NELL2: variants seen among roughly 807,000 people sequenced by gnomAD.
NELL2 encodes protein kinase C-binding protein NELL2.
In NELL2, 41 loss-of-function variants were observed where a neutral mutation model predicts 109.6. That is an observed-to-expected ratio of 0.37 (90% CI 0.29 to 0.49). The LOEUF (loss-of-function observed/expected upper bound fraction) is 0.49. Among genes scored for constraint, NELL2 ranks in the 20% least tolerant of loss-of-function variants. NELL2 has a pLI of 0.98. For missense variants in NELL2, 900 were observed against 1,008.3 expected (o/e 0.89, Z 1.45); for synonymous variants, 355 against 344.7 (o/e 1.03, Z -0.33).
rs1439190427 is a variant in NELL2 at position 44,903,118 on chromosome 12, A to C, written c.38+10681T>G. Among the ~76,000 whole-genome samples, 2 of 152,232 alleles carry C rather than the reference A, an allele frequency of 1.3e-5. 1 individual carries two copies. The highest frequency in any genetic ancestry group is 2.9e-5 in the Non-Finnish European group (2 of 68,034). On this transcript the variant is annotated intron_variant, in intron 1 of 20. Coordinates refer to the NELL2 transcript ENST00000333837. Reference sequence around the variant, plus strand: ...TCATCAGAGTGAACAGGCAATCTACAGAATGGGAGAAAATTTTTGCAATCT... The same window carrying C: ...TCATCAGAGTGAACAGGCAATCTACCGAATGGGAGAAAATTTTTGCAATCT...
chr12:44,740,090 C>G (rs1421973363), intron 9 of NELL2, among the ~76,000 whole-genome samples: 1 of 152,074 alleles, frequency 6.6e-6, no homozygotes, highest in Admixed American at 6.5e-5. Flanking sequence ...ACTATTCCAC[C>G]CAAATTATTA....
intron 13 of NELL2, among the ~76,000 whole-genome samples, chr12:44,629,202 C>A (rs1014815457): frequency 6.6e-6 from 1 of 152,092 alleles, no homozygotes; most frequent in Non-Finnish European, 1.5e-5. Context: ...ATTTCAGTTC[C>A]AGCATTCTAA....
chr12:44,827,248 T>C (rs886113206), intron 2 of NELL2, among the ~76,000 whole-genome samples: 2 of 152,170 alleles, frequency 1.3e-5, no homozygotes, highest in Admixed American at 1.3e-4. Flanking sequence ...GGTAATCACA[T>C]CAGGGTAAAT....
At chr12:44,884,525 G>A (rs1431954568) in intron 1 of NELL2, among the ~76,000 whole-genome samples, 1 of 151,780 alleles carries the variant, frequency 6.6e-6, no homozygotes, top group Non-Finnish European at 1.5e-5. Flanking sequence ...AAAGGAAAGG[G>A]AAACACTTCC....
chr12:44,815,964 A>G (rs1252064234), intron 3 of NELL2, 22 bp downstream of exon 3: 1 of 1,598,374 alleles, frequency 6.3e-7, no homozygotes, highest in East Asian at 2.2e-5. Flanking sequence ...AAAACACAGG[A>G]AACTCCAGCA....
chr12:44,900,894 C>A (rs748918107), intron 1 of NELL2, among the ~76,000 whole-genome samples: 5 of 151,982 alleles, frequency 3.3e-5, no homozygotes, highest in African/African-American at 1.2e-4. Context: ...GAGGCTGAGG[C>A]AGGACAATTG....
chr12:44,513,645 A>T (rs770973964), intron 19 of NELL2, among the ~76,000 whole-genome samples: 3 of 151,998 alleles, frequency 2.0e-5, no homozygotes, highest in Non-Finnish European at 4.4e-5. Context: ...GATTCACTGG[A>T]TGAACCTAAT....
At chr12:44,779,565 C>T in intron 5 of NELL2, 98 bp downstream of exon 5, 3 of 922,074 alleles carry the variant, frequency 3.3e-6, no homozygotes, top group Non-Finnish European at 4.9e-6. Context: ...ATTTACAAAT[C>T]AAATTATTTT....
At chr12:44,830,552 C>G (rs547218976) in intron 2 of NELL2, among the ~76,000 whole-genome samples, 37 of 152,226 alleles carry the variant, frequency 2.4e-4, no homozygotes, top group Admixed American at 5.9e-4. Flanking sequence ...TTGTAATCAA[C>G]TTTTCAAACC....
At chr12:44,753,278 G>A (rs1423995681) in intron 9 of NELL2, among the ~76,000 whole-genome samples, 2 of 152,040 alleles carry the variant, frequency 1.3e-5, no homozygotes, top group African/African-American at 2.4e-5. Context: ...CACCCTCAGA[G>A]GGTAAGCTCT....
At chr12:44,787,993 A>C (rs912646061) in intron 3 of NELL2, among the ~76,000 whole-genome samples, 1 of 152,212 alleles carries the variant, frequency 6.6e-6, no homozygotes, top group African/African-American at 2.4e-5. Context: ...TGTGCATTTT[A>C]AGACCCTGTG....
intron 2 of NELL2, among the ~76,000 whole-genome samples, chr12:44,816,815 T>A (rs980013840): frequency 2.0e-5 from 3 of 152,158 alleles, no homozygotes; most frequent in Non-Finnish European, 4.4e-5. Flanking sequence ...AGAGGCAAAC[T>A]TTTATCCTGA....
chr12:44,732,771 G>A (rs567000218), intron 9 of NELL2, among the ~76,000 whole-genome samples: 29 of 152,024 alleles, frequency 1.9e-4, no homozygotes, highest in Admixed American at 1.0e-3. Flanking sequence ...GGCAGCCTAT[G>A]GAATGCGAGA....
intron 12 of NELL2, among the ~76,000 whole-genome samples, chr12:44,685,237 C>T: frequency 6.6e-6 from 1 of 151,806 alleles, no homozygotes; most frequent in Non-Finnish European, 1.5e-5. Context: ...GGATTGCAAC[C>T]CCTGCCTTTT....
chr12:44,913,932 T>A (rs1357285492), upstream of NELL2: 4 of 398,326 alleles, frequency 1.0e-5, no homozygotes, highest in Non-Finnish European at 1.8e-5. Flanking sequence ...TCCTTCTGAT[T>A]GCTCAGGCCA....
At chr12:44,836,702 A>G (rs542918756) in intron 2 of NELL2, among the ~76,000 whole-genome samples, 26 of 152,360 alleles carry the variant, frequency 1.7e-4, no homozygotes, top group African/African-American at 5.0e-4. Flanking sequence ...ACTTCCTCAA[A>G]TTCAAAGTAT....
intron 19 of NELL2, among the ~76,000 whole-genome samples, chr12:44,519,119 A>G (rs1430129937): frequency 6.6e-6 from 1 of 152,212 alleles, no homozygotes; most frequent in Non-Finnish European, 1.5e-5. Flanking sequence ...AAATTACAAA[A>G]TGGAAATGCT....
At chr12:44,921,752 C>G (rs1450454127) in intron 1 of NELL2, 1 of 152,128 alleles carries the variant, frequency 6.6e-6, no homozygotes, top group Non-Finnish European at 1.5e-5. Flanking sequence ...CCCTCCCACC[C>G]TCCACCCCAC....
At chr12:44,543,650 A>G (rs894111052) in intron 15 of NELL2, among the ~76,000 whole-genome samples, 5 of 152,200 alleles carry the variant, frequency 3.3e-5, no homozygotes, top group African/African-American at 1.2e-4. Context: ...TTAGAGTTCA[A>G]CAATGAGTGG....
Sources: gnomAD v4.1 joint callset for allele counts (sites outside exome capture counted in the v4.1 genomes callset) on GRCh38, gnomAD v4.1.1 for gene constraint, MANE v1.5 for transcripts, NCBI Gene and HGNC (gene_info 2026-07-23, HGNC 2026-07-21) for gene names.